CSMD2: variants seen among roughly 807,000 people sequenced by gnomAD.
CSMD2 encodes CUB and Sushi multiple domains 2.
In CSMD2, 130 loss-of-function variants were observed where a neutral mutation model predicts 398.5. That is an observed-to-expected ratio of 0.33 (90% CI 0.28 to 0.38). The LOEUF (loss-of-function observed/expected upper bound fraction) is 0.38. CSMD2 is among the 10% of genes least tolerant of loss of function. CSMD2 has a pLI of 1.00. For synonymous variants in CSMD2, 1,828 were observed against 1,908.5 expected (o/e 0.96, Z 1.10); for missense variants, 3,829 against 4,764.9 (o/e 0.80, Z 5.78).
At chr1:33,656,326 G>A (rs1643944835) in intron 27 of CSMD2, among the ~76,000 whole-genome samples, 1 of 152,166 alleles carries the variant, frequency 6.6e-6, no homozygotes, top group South Asian at 2.1e-4. Context: ...AAATGGCAGA[G>A]CTAGAAAGTA....
At chr1:34,147,477 G>A (rs1438666188) in intron 1 of CSMD2, among the ~76,000 whole-genome samples, 1 of 151,632 alleles carries the variant, frequency 6.6e-6, no homozygotes, top group African/African-American at 2.4e-5. Flanking sequence ...AGAGATGCTT[G>A]GATTTAGTAA....
intron 4 of CSMD2, among the ~76,000 whole-genome samples, chr1:33,929,788 G>GAC (rs1465151228): frequency 1.3e-5 from 2 of 151,670 alleles, no homozygotes; most frequent in African/African-American, 2.4e-5. Flanking sequence ...CCTCTAGCGT[G>GAC]TCCAGTACTT....
chr1:34,135,663 C>T (rs1638673086), intron 1 of CSMD2, among the ~76,000 whole-genome samples: 2 of 138,924 alleles, frequency 1.4e-5, no homozygotes, highest in South Asian at 4.8e-4. Context: ...GACTAATTTA[C>T]AGTAACTTAT....
intron 26 of CSMD2, among the ~76,000 whole-genome samples, chr1:33,661,094 A>G (rs754527237): frequency 3.9e-5 from 6 of 152,226 alleles, no homozygotes; most frequent in Non-Finnish European, 7.3e-5. Flanking sequence ...ACAGCATAGG[A>G]GAGCACCCAG....
intron 10 of CSMD2, among the ~76,000 whole-genome samples, chr1:33,805,943 A>T (rs1458628953): frequency 6.6e-6 from 1 of 152,058 alleles, no homozygotes; most frequent in East Asian, 1.9e-4. Flanking sequence ...TGTAATAAGG[A>T]ATACTCAACA....
At chr1:33,651,799 A>T (rs1362771021) in intron 28 of CSMD2, among the ~76,000 whole-genome samples, 2 of 152,144 alleles carry the variant, frequency 1.3e-5, no homozygotes, top group African/African-American at 4.8e-5. Context: ...AGAACCATGG[A>T]GGCAGAAACC....
In CSMD2 at chr1:33,941,302, T is replaced by C. The variant is rs377382368; in HGVS notation, c.518-5348A>G. 2.0e-5 allele frequency among the ~76,000 whole-genome samples: 3 copies of C among 152,352 alleles called. No homozygotes were observed. The East Asian group carries it at 5.8e-4, about 29-fold the overall frequency. ...AAAAGCTACATCATGCCTTCTTTTA[T>C]TTTTAATTTGAGACTTTGGTTCCCT... On this transcript the variant is annotated intron_variant, in intron 3 of 70. Coordinates refer to ENST00000373381, the MANE Select transcript of CSMD2 (RefSeq NM_001281956.2).
chr1:33,704,552 G>A (rs1276498262), intron 22 of CSMD2, among the ~76,000 whole-genome samples: 1 of 152,170 alleles, frequency 6.6e-6, no homozygotes, highest in Admixed American at 6.5e-5. Flanking sequence ...ATCACATGAT[G>A]TTTTGGGGTG....
chr1:34,164,422 C>T lies in CSMD2; in HGVS notation c.187+489G>A, dbSNP rs12077276. ...ACCGGTTTCAATTGGAGAAAATGGGCGGGGGCAGGGAAGGGCAGACCTTGC... is the reference window on the plus strand; with the variant it reads ...ACCGGTTTCAATTGGAGAAAATGGGTGGGGGCAGGGAAGGGCAGACCTTGC... On this transcript the variant is annotated intron_variant, in intron 1 of 70. Transcript: ENST00000373381. This position sits in a 1 kb window ranked among gnomAD's most constrained non-coding sequence, Gnocchi z 6.2. Among the ~76,000 whole-genome samples the T allele has an allele frequency of 0.092, 14,014 of 151,806 alleles. 775 individuals carry two copies. Among genetic ancestry groups the T allele is most frequent in the African/African-American group, 0.15 (6,400 of 41,378 alleles).
intron 1 of CSMD2, among the ~76,000 whole-genome samples, chr1:34,110,299 AC>A (rs1332317150): frequency 4.6e-5 from 7 of 152,076 alleles, no homozygotes; most frequent in African/African-American, 7.2e-5. Flanking sequence ...TTCCTCAAAA[AC>A]CTAGAAACAG....
intron 5 of CSMD2, among the ~76,000 whole-genome samples, chr1:33,848,628 C>A (rs1452708698): frequency 6.6e-6 from 1 of 152,156 alleles, no homozygotes; most frequent in Non-Finnish European, 1.5e-5. Context: ...TCACGCACTG[C>A]AAAACTGAAT....
At chr1:34,089,227 C>T (rs772613947) in intron 1 of CSMD2, 34 bp from the exon 2 acceptor site, 1 of 1,577,388 alleles carries the variant, frequency 6.3e-7, no homozygotes, top group African/African-American at 1.3e-5. Context: ...TCAGAATAGC[C>T]AGAATAACTC....
At chr1:33,818,546 T>C (rs932350765) in intron 9 of CSMD2, among the ~76,000 whole-genome samples, 7 of 152,248 alleles carry the variant, frequency 4.6e-5, no homozygotes, top group Non-Finnish European at 8.8e-5. Context: ...GGAAAATGGG[T>C]GATTTGCCCA....
intron 5 of CSMD2, among the ~76,000 whole-genome samples, chr1:33,892,497 A>G (rs1642095586): frequency 6.6e-6 from 1 of 152,110 alleles, no homozygotes; most frequent in Admixed American, 6.5e-5. Flanking sequence ...CCAAGTCCCC[A>G]AAGTCCATTA....
At chr1:33,731,997 T>A (rs1352225948) in intron 15 of CSMD2, among the ~76,000 whole-genome samples, 1 of 152,104 alleles carries the variant, frequency 6.6e-6, no homozygotes, top group South Asian at 2.1e-4. Context: ...ATTGTTGAGG[T>A]TGACTGATAG....
chr1:33,868,001 C>T (rs982981303), intron 5 of CSMD2, among the ~76,000 whole-genome samples: 2 of 152,092 alleles, frequency 1.3e-5, no homozygotes, highest in Non-Finnish European at 2.9e-5. Context: ...CATTAACAGT[C>T]CTTTATGAAA....
intron 2 of CSMD2, among the ~76,000 whole-genome samples, chr1:34,081,629 G>A (rs554020865): frequency 1.3e-5 from 2 of 152,244 alleles, no homozygotes; most frequent in South Asian, 2.1e-4. Flanking sequence ...CGTGTTGGCC[G>A]GGCTGGTCTC....
At chr1:33,940,256 T>C (rs567060769) in intron 3 of CSMD2, among the ~76,000 whole-genome samples, 2 of 152,248 alleles carry the variant, frequency 1.3e-5, no homozygotes, top group South Asian at 4.2e-4. Context: ...ACCACTCATA[T>C]TGGATAGGGT....
intron 16 of CSMD2, 55 bp downstream of exon 16, chr1:33,726,492 G>A (rs1646534059): frequency 6.4e-7 from 1 of 1,554,630 alleles, no homozygotes; most frequent in African/African-American, 1.4e-5. Context: ...CCTCCCACGT[G>A]GCTCTGTAAA....
Sources: allele counts gnomAD v4.1 joint callset (sites outside exome capture counted in the v4.1 genomes callset), GRCh38; gene constraint gnomAD v4.1.1; non-coding constraint Gnocchi (gnomAD v3.1); transcripts MANE v1.5; gene names NCBI Gene and HGNC (gene_info 2026-07-23, HGNC 2026-07-21).